The following STAC2 variants were observed in gnomAD, a reference collection of about 807,000 sequenced individuals.
The protein encoded by STAC2 is SH3 and cysteine rich domain 2.
STAC2 carries 36 observed loss-of-function variants against 49.0 expected under a neutral mutation model. That is an observed-to-expected ratio of 0.74 (90% CI 0.56 to 0.97). The LOEUF (loss-of-function observed/expected upper bound fraction) is 0.97. STAC2 is among the 50% of genes least tolerant of loss of function. The pLI is 0.00. For synonymous variants in STAC2, 239 were observed against 214.7 expected (o/e 1.11, Z -0.99); for missense variants, 527 against 543.8 (o/e 0.97, Z 0.31).
chr17:39,217,092 T>A lies in STAC2; in HGVS notation c.479A>T (p.Gln160Leu), dbSNP rs369762858. The change falls in exon 3 of 11, where the codon CAA becomes CTA. Residue 160 changes from glutamine to leucine, a missense_variant. By Grantham distance (113) the Gln-to-Leu change is moderately radical. Coordinates refer to ENST00000333461, the MANE Select transcript of STAC2 (RefSeq NM_198993.5). Reference protein sequence around the residue: ...LWCSEEISHQQCPGKTSTSFR... With the variant: ...LWCSEEISHQLCPGKTSTSFR... ...CCCGCTCACCGTCTTGCCTGGGCATTGCTGGTGGGAGATCTCCTCAGAGCA... is the reference window on the plus strand; with the variant it reads ...CCCGCTCACCGTCTTGCCTGGGCATAGCTGGTGGGAGATCTCCTCAGAGCA... 1 of 1,613,894 alleles carries A rather than the reference T, an allele frequency of 6.2e-7. No homozygotes were observed. The highest frequency in any genetic ancestry group is 8.5e-7 in the Non-Finnish European group (1 of 1,179,962).
intron 9 of STAC2, 29 bp from the exon 10 acceptor site, chr17:39,213,161 G>A (rs538672427): frequency 9.4e-6 from 15 of 1,601,364 alleles, no homozygotes; most frequent in African/African-American, 2.7e-5. Flanking sequence ...ATGAACACCC[G>A]CGCCACACCC....
At chr17:39,213,669 ATTCT>A in intron 8 of STAC2, 111 bp from the exon 9 acceptor site, 9 of 491,472 alleles carry the variant, frequency 1.8e-5, no homozygotes, top group African/African-American at 9.3e-5. Flanking sequence ...GGGAGAGACG[ATTCT>A]TTTTTTTTTT....
At chr17:39,224,667 T>C (rs150234334) in intron 1 of STAC2, among the ~76,000 whole-genome samples, 338 of 152,322 alleles carry the variant, frequency 2.2e-3, no homozygotes, top group African/African-American at 7.6e-3. Flanking sequence ...ATGACTTCTC[T>C]TTTTGCTTCT....
At position 39,217,842 on chromosome 17, in the gene STAC2, GCCGCCTCAGTGC is replaced by G. The variant is rs1198433218; in HGVS notation, c.397+13_397+24del. The stretch of plus-strand genomic sequence containing the variant: ...GTACCCACGCTGGCCCCTCCCCGTG[GCCGCCTCAGTGC>G]CCAGGCACCTACCTACGATGAGCTG... On this transcript the variant is annotated intron_variant, in intron 2 of 10. Coordinates refer to ENST00000333461, the MANE Select transcript of STAC2 (RefSeq NM_198993.5). 6.3e-7 allele frequency: 1 copy of G among 1,581,636 alleles called. No homozygotes were observed. The highest frequency in any genetic ancestry group is 2.3e-5 in the East Asian group (1 of 42,984).
intron 4 of STAC2, among the ~76,000 whole-genome samples, chr17:39,215,855 C>A (rs1190126302): frequency 1.3e-5 from 2 of 152,100 alleles, no homozygotes; most frequent in Admixed American, 6.5e-5. Flanking sequence ...CCACACCCAG[C>A]TAATTTTTTT....
At chr17:39,213,267 C>T in intron 9 of STAC2, 135 bp from the exon 10 acceptor site, 1 of 1,456,744 alleles carries the variant, frequency 6.9e-7, no homozygotes, top group Non-Finnish European at 9.2e-7. Flanking sequence ...GATTCCAGCC[C>T]CCAGCCAGGT....
intron 1 of STAC2, among the ~76,000 whole-genome samples, chr17:39,218,882 T>C (rs2046435399): frequency 1.3e-5 from 2 of 152,110 alleles, no homozygotes; most frequent in Non-Finnish European, 2.9e-5. Flanking sequence ...TCCACCTGTG[T>C]TCTCGAACAG....
intron 1 of STAC2, among the ~76,000 whole-genome samples, chr17:39,223,677 G>A (rs2046483429): frequency 6.6e-6 from 1 of 152,188 alleles, no homozygotes; most frequent in African/African-American, 2.4e-5. Flanking sequence ...CTCCCACATA[G>A]GAGGAGGCTG....
chr17:39,217,889 C>T lies in STAC2; in HGVS notation c.375G>A (p.Glu125=). 1.2e-6 allele frequency: 2 copies of T among 1,605,758 alleles called. No individual in the cohort carries two copies. The highest frequency in any genetic ancestry group is 1.7e-5 in the Admixed American group (1 of 59,358). Residue 125 remains glutamate, a synonymous_variant, in exon 2 of 11, where the codon GAG becomes GAA. Transcript: ENST00000333461. ...TACCTACGATGAGCTGGTGGCACAG[C>T]TCACAAGGGCTAGCTCGCTTGAAGA... ...EHVFKRASPC[E]LCHQLIVGNS...
At chr17:39,213,416 C>A in intron 9 of STAC2, 91 bp downstream of exon 9, 2 of 1,494,292 alleles carry the variant, frequency 1.3e-6, no homozygotes, top group Non-Finnish European at 1.8e-6. Context: ...GTCTTTGGGG[C>A]CTGGAGAGAA....
Position 39,225,329 on chromosome 17 carries a change from G to C in STAC2, c.90+84C>G. ...GCGGGCCTCGCGACCGCGACCCTAG[G>C]ACGCCCGGGCCCACAGGAGGACCCC... On this transcript the variant is annotated intron_variant, in intron 1 of 10. Coordinates refer to ENST00000333461, the MANE Select transcript of STAC2 (RefSeq NM_198993.5). The surrounding 1 kb of genome is among the most constrained non-coding windows in gnomAD (Gnocchi z 8.2). 2 of 1,213,620 alleles carry C rather than the reference G, an allele frequency of 1.6e-6. No individual in the cohort carries two copies. The highest frequency in any genetic ancestry group is 2.2e-6 in the Non-Finnish European group (2 of 894,988). The allele number at this position is 1,213,620 out of a possible 1,614,324, so 75.2% of individuals were successfully genotyped here. A position where few individuals can be genotyped will look rare whatever the true frequency, so the allele number is the denominator to read the frequency against.
intron 1 of STAC2, 54 bp from the exon 2 acceptor site, chr17:39,218,227 C>A: frequency 6.3e-7 from 1 of 1,598,320 alleles, no homozygotes; most frequent in Non-Finnish European, 8.6e-7. Flanking sequence ...CTGGCCAGGG[C>A]GGGCTTCCCT....
rs1263536978 is a variant in STAC2, at chr17:39,214,950, C to T, written c.772+1G>A. ...TGCCCTTGATGCCCACCACCACTCA[C>T]CACTGTCACCAGGCCCCTCCTCAGA... is the stretch of plus-strand genomic sequence containing the variant. On this transcript the variant is annotated splice_donor_variant, in intron 6 of 10. Transcript: ENST00000333461. LOFTEE classifies it high-confidence loss of function. 1.9e-6 allele frequency: 3 copies of T among 1,614,026 alleles called. No individual in the cohort carries two copies. Among genetic ancestry groups the T allele is most frequent in the African/African-American group, 2.7e-5 (2 of 74,920 alleles).
In STAC2 at chr17:39,213,533, C is replaced by T; in HGVS notation, c.967G>A (p.Asp323Asn). 3 of 1,613,896 alleles carry T rather than the reference C, an allele frequency of 1.9e-6. No individual in the cohort carries two copies. Among genetic ancestry groups the T allele is most frequent in the Non-Finnish European group, 2.5e-6 (3 of 1,179,864 alleles). ...TTCCACCAGTCCTCGTTAGAGTCAT[C>T]CACCAGCATGATCCGATCTCCAGGC... ...LQPGDRIMLV[D>N]DSNEDWWKGK... The change falls in exon 9 of 11, where the codon GAT (aspartate) becomes AAT (asparagine). Residue 323 changes from aspartate (D) to asparagine (N), a missense_variant. Physicochemically the swap from Asp to Asn is conservative, Grantham distance 23. Transcript: ENST00000333461.
At position 39,218,152 on chromosome 17, in the gene STAC2, G is replaced by GGGAGCGCTT. The variant is rs1320803232; in HGVS notation, c.103_111dup (p.Lys35_Ser37dup). On this transcript the variant is annotated inframe_insertion, in exon 2 of 11. Coordinates refer to ENST00000333461, the MANE Select transcript of STAC2 (RefSeq NM_198993.5). ...CTTCGGAGGATGGTCTTGAGGGAGA[G>GGGAGCGCTT]GGAGCGCTTGAATCGCTGGAGCTGG... is the stretch of plus-strand genomic sequence containing the variant. The GGGAGCGCTT allele has an allele frequency of 1.9e-6, 3 of 1,613,404 alleles. No homozygotes were observed. The highest frequency in any genetic ancestry group is 1.7e-6 in the Non-Finnish European group (2 of 1,180,036).
At chr17:39,214,637 C>G (rs1159163807) in intron 7 of STAC2, among the ~76,000 whole-genome samples, 154 bp downstream of exon 7, 2 of 152,114 alleles carry the variant, frequency 1.3e-5, no homozygotes, top group Non-Finnish European at 2.9e-5. Flanking sequence ...GCCTCCCATG[C>G]CCTCTCATCC....
chr17:39,215,132 GGGACTCAGA>G lies in STAC2; in HGVS notation c.676_684del (p.Ser226_Ser228del). The stretch of plus-strand genomic sequence containing the variant: ...GCCCACCATACCAGGCTCCTTGTCG[GGGACTCAGA>G]GGTGCTGCTGAAACTGGAGCGGTTC... On this transcript the variant is annotated inframe_deletion, in exon 5 of 11. Transcript: ENST00000333461. 1 of 1,614,018 alleles carries G rather than the reference GGGACTCAGA, an allele frequency of 6.2e-7. No individual in the cohort carries two copies. The highest frequency in any genetic ancestry group is 8.5e-7 in the Non-Finnish European group (1 of 1,180,006).
rs1004846663 is a variant in STAC2 at position 39,217,227 on chromosome 17, A to T, written c.398-54T>A. ...GGACACCCCCGTGGGCAACAGGCAA[A>T]GGAGGGGCACATTAGGGGATGAGGA... On this transcript the variant is annotated intron_variant, in intron 2 of 10. Transcript: ENST00000333461. 7 of 1,563,052 alleles carry T rather than the reference A, an allele frequency of 4.5e-6. No homozygotes were observed. In the Admixed American group the frequency reaches 1.0e-4, roughly 22 times the overall value.
chr17:39,217,220 C>T (rs752473431), intron 2 of STAC2, 47 bp from the exon 3 acceptor site: 1 of 1,585,684 alleles, frequency 6.3e-7, no homozygotes, highest in Non-Finnish European at 8.6e-7. Context: ...CCGTGGGCAA[C>T]AGGCAAAGGA....
Sources: gnomAD v4.1 joint callset for allele counts (sites outside exome capture counted in the v4.1 genomes callset) on GRCh38, gnomAD v4.1.1 for gene constraint, Gnocchi (gnomAD v3.1) non-coding constraint, MANE v1.5 for transcripts, NCBI Gene and HGNC (gene_info 2026-07-23, HGNC 2026-07-21) for gene names.